ASTN2: variants seen among roughly 807,000 people sequenced by gnomAD.
ASTN2 encodes the protein astrotactin 2, also known as astrotactin-2.
A neutral mutation model predicts 139.8 loss-of-function variants in ASTN2; 54 were observed. The ratio of observed to expected loss-of-function variants is 0.39; its 90% CI spans 0.31 to 0.48. The LOEUF is 0.48. ASTN2 is among the 20% of genes least tolerant of loss of function. The pLI, the probability that ASTN2 is intolerant of heterozygous loss-of-function variation, is 0.95. For synonymous variants in ASTN2, 756 were observed against 719.5 expected (o/e 1.05, Z -0.81); for missense variants, 1,565 against 1,725.1 (o/e 0.91, Z 1.64).
chr9:116,892,841 A>G (rs1275972437), intron 10 of ASTN2, among the ~76,000 whole-genome samples: 1 of 152,118 alleles, frequency 6.6e-6, no homozygotes, highest in Non-Finnish European at 1.5e-5. Context: ...AAATAAAGGC[A>G]CCCAATTAAA....
At chr9:117,103,330 A>T (rs1432057549) in intron 4 of ASTN2, among the ~76,000 whole-genome samples, 1 of 152,238 alleles carries the variant, frequency 6.6e-6, no homozygotes, top group Admixed American at 6.5e-5. Flanking sequence ...TCTTACCTCA[A>T]TTTTGCTGCT....
intron 13 of ASTN2, among the ~76,000 whole-genome samples, chr9:116,746,588 C>A (rs1052489290): frequency 6.6e-6 from 1 of 152,182 alleles, no homozygotes; most frequent in Non-Finnish European, 1.5e-5. Flanking sequence ...ATAACTTATT[C>A]ATGGGTTCCA....
At chr9:117,364,950 A>AACACACACACAC (rs71379275) in intron 1 of ASTN2, among the ~76,000 whole-genome samples, 12 of 121,542 alleles carry the variant, frequency 9.9e-5, no homozygotes, top group South Asian at 2.9e-4. Flanking sequence ...CCATCTCTAC[A>AACACACACACAC]ACACACACAC....
Position 117,302,008 on chromosome 9 carries a change from CA to C in ASTN2, c.443-10496del, listed in dbSNP as rs1385250163. ...GCATTTAGCCTATGGAACTCCCTGTCAGTTGTCTGTCTTCTCGTCACTCTTT... is the reference window on the plus strand; with the variant it reads ...GCATTTAGCCTATGGAACTCCCTGTCGTTGTCTGTCTTCTCGTCACTCTTT... On this transcript the variant is annotated intron_variant, in intron 1 of 22. Coordinates refer to ENST00000313400, the MANE Select transcript of ASTN2 (RefSeq NM_001365068.1). 2.2e-5 allele frequency among the ~76,000 whole-genome samples: 3 copies of C among 134,672 alleles called. No homozygotes were observed. The East Asian group carries it at 7.0e-4, about 32-fold the overall frequency. 88.4% of individuals were successfully genotyped at this position (134,672 alleles called of 152,430 possible). A position where few individuals can be genotyped will look rare whatever the true frequency, so the allele number is the denominator to read the frequency against.
chr9:116,599,368 A>C (rs1854750605), intron 19 of ASTN2, among the ~76,000 whole-genome samples: 1 of 152,244 alleles, frequency 6.6e-6, no homozygotes, highest in African/African-American at 2.4e-5. Context: ...TATTTCAGAT[A>C]AGCGAGAGTA....
At chr9:117,404,224 C>G (rs571286388) in intron 1 of ASTN2, among the ~76,000 whole-genome samples, 1 of 152,270 alleles carries the variant, frequency 6.6e-6, no homozygotes, top group African/African-American at 2.4e-5. Context: ...ATGTTTTCTT[C>G]ATGTTATTGA....
At chr9:116,530,820 G>T (rs1851310749) in intron 19 of ASTN2, among the ~76,000 whole-genome samples, 1 of 151,956 alleles carries the variant, frequency 6.6e-6, no homozygotes, top group Non-Finnish European at 1.5e-5. Flanking sequence ...GATTTGAATT[G>T]CCTACATATG....
intron 1 of ASTN2, among the ~76,000 whole-genome samples, chr9:117,382,414 T>C (rs1156783677): frequency 1.3e-5 from 2 of 152,206 alleles, no homozygotes; most frequent in African/African-American, 2.4e-5. Flanking sequence ...TTTATATCCA[T>C]GTTTCTTTTT....
intron 20 of ASTN2, among the ~76,000 whole-genome samples, chr9:116,483,217 C>T (rs901735147): frequency 1.4e-4 from 21 of 152,230 alleles, no homozygotes; most frequent in African/African-American, 4.8e-4. Flanking sequence ...ACTCCCTCTG[C>T]TGCTTTTGTT....
intron 6 of ASTN2, among the ~76,000 whole-genome samples, chr9:117,010,826 GT>G (rs1352865660): frequency 6.6e-6 from 1 of 152,192 alleles, no homozygotes; most frequent in Non-Finnish European, 1.5e-5. Context: ...GGCTGGGATG[GT>G]CCTTCAGTGA....
At chr9:117,289,875 C>T (rs781156153) in intron 2 of ASTN2, among the ~76,000 whole-genome samples, 3 of 152,096 alleles carry the variant, frequency 2.0e-5, no homozygotes, top group Non-Finnish European at 4.4e-5. Context: ...GATGAGCATG[C>T]GTAAGGTCCA....
intron 2 of ASTN2, among the ~76,000 whole-genome samples, chr9:117,283,132 T>G (rs1055555629): frequency 1.3e-5 from 2 of 152,204 alleles, no homozygotes; most frequent in South Asian, 4.1e-4. Flanking sequence ...AGCCGGTATG[T>G]GGAAGTCTAA....
At chr9:116,706,760 A>ATTTTTTTTTTTTTTTTTTT (rs60395133) in intron 16 of ASTN2, among the ~76,000 whole-genome samples, 1 of 88,058 alleles carries the variant, frequency 1.1e-5, no homozygotes. Context: ...GCTGGCTAGA[A>ATTTTTTTTTTTTTTTTTTT]TTTTTTTTTT....
intron 15 of ASTN2, among the ~76,000 whole-genome samples, chr9:116,726,684 T>A (rs184854795): frequency 2.2e-4 from 34 of 152,282 alleles, no homozygotes; most frequent in Middle Eastern, 3.4e-3. Flanking sequence ...CCACAGAGCC[T>A]TCTTGCTGCT....
chr9:116,627,464 A>T (rs549795724), intron 17 of ASTN2, among the ~76,000 whole-genome samples: 1 of 152,308 alleles, frequency 6.6e-6, no homozygotes, highest in East Asian at 1.9e-4. Context: ...AGTTGCCTGC[A>T]TTTGGTCCTG....
At chr9:116,734,852 C>T (rs1233520934) in intron 13 of ASTN2, among the ~76,000 whole-genome samples, 4 of 152,202 alleles carry the variant, frequency 2.6e-5, no homozygotes, top group South Asian at 4.2e-4. Context: ...TTAATGAACA[C>T]TTTCTTCATT....
intron 10 of ASTN2, among the ~76,000 whole-genome samples, chr9:116,967,735 A>G (rs888390903): frequency 6.6e-6 from 1 of 152,162 alleles, no homozygotes; most frequent in Non-Finnish European, 1.5e-5. Context: ...CCTTCCCCCC[A>G]TACTCTGCTG....
At chr9:116,877,495 T>TTTATAGGTATGC (rs1833334126) in intron 10 of ASTN2, among the ~76,000 whole-genome samples, 2 of 152,186 alleles carry the variant, frequency 1.3e-5, no homozygotes, top group African/African-American at 4.8e-5. Context: ...TATGCCCCTA[T>TTTATAGGTATGC]CTATACCTAA....
Position 116,446,280 on chromosome 9 carries a change from G to T in ASTN2, c.3498-3727C>A, listed in dbSNP as rs2020997. The stretch of plus-strand genomic sequence containing the variant: ...GGAGAGAGAGAGAGAGATAGAGAGA[G>T]AGAGAGAGAGAGAGAGAGAGAGAGA... On this transcript the variant is annotated intron_variant, in intron 20 of 22. Coordinates refer to ENST00000313400, the MANE Select transcript of ASTN2 (RefSeq NM_001365068.1). Among the ~76,000 whole-genome samples, 563 of 100,026 alleles carry T rather than the reference G, an allele frequency of 5.6e-3. 3 individuals carry two copies. The highest frequency in any genetic ancestry group is 0.011 in the East Asian group (42 of 3,726). The allele number at this position is 100,026 out of a possible 152,430, so 65.6% of individuals were successfully genotyped here.
Sources: gnomAD v4.1 joint callset for allele counts (sites outside exome capture counted in the v4.1 genomes callset) on GRCh38, gnomAD v4.1.1 for gene constraint, MANE v1.5 for transcripts, NCBI Gene and HGNC (gene_info 2026-07-23, HGNC 2026-07-21) for gene names.